Variants in ENTREP2 observed in about 807,000 individuals in gnomAD.
ENTREP2 encodes the protein endosomal transmembrane epsin interactor 2.
At chr15:29,389,394 G>A in the ENTREP2 span, among the ~76,000 whole-genome samples, 1 of 151,970 alleles carries the variant, frequency 6.6e-6, no homozygotes, top group African/African-American at 2.4e-5. Context: ...TCTCCAGGAG[G>A]GGCAGCACAG....
chr15:29,269,932 T>A, the ENTREP2 span: 1 of 482,466 alleles, frequency 2.1e-6, no homozygotes, highest in African/African-American at 2.1e-5. Flanking sequence ...GCCCTGCAGG[T>A]CCGGGCGATG....
chr15:29,470,232 C>T, the ENTREP2 span, among the ~76,000 whole-genome samples: 5 of 152,158 alleles, frequency 3.3e-5, no homozygotes, highest in Non-Finnish European at 4.4e-5. Context: ...CTGCTCGGTG[C>T]CCCCCACTGC....
chr15:29,456,218 G>A, the ENTREP2 span, among the ~76,000 whole-genome samples: 6 of 151,522 alleles, frequency 4.0e-5, no homozygotes, highest in African/African-American at 1.5e-4. Flanking sequence ...CATTTCTATT[G>A]GTATAGTATT....
the ENTREP2 span, among the ~76,000 whole-genome samples, chr15:29,212,823 T>G: frequency 1.1e-4 from 17 of 152,392 alleles, no homozygotes; most frequent in Middle Eastern, 3.4e-3. Flanking sequence ...TTTTGGCTTC[T>G]GTTGCCATTA....
the ENTREP2 span, among the ~76,000 whole-genome samples, chr15:29,170,020 T>C: frequency 4.6e-5 from 7 of 151,996 alleles, no homozygotes; most frequent in African/African-American, 1.7e-4. Flanking sequence ...ATAAAATCAA[T>C]ATGCAGGCCG....
the ENTREP2 span, among the ~76,000 whole-genome samples, chr15:29,337,332 A>T: frequency 6.6e-6 from 1 of 152,134 alleles, no homozygotes; most frequent in Admixed American, 6.5e-5. Context: ...GGCATGGAGA[A>T]CAGTGTGGGT....
chr15:29,617,696 CA>C, the ENTREP2 span, among the ~76,000 whole-genome samples: 1 of 152,184 alleles, frequency 6.6e-6, no homozygotes, highest in African/African-American at 2.4e-5. Flanking sequence ...TACTTGTCAC[CA>C]AAAGCAGAAT....
At chr15:29,435,890 C>G in the ENTREP2 span, among the ~76,000 whole-genome samples, 2 of 152,088 alleles carry the variant, frequency 1.3e-5, no homozygotes, top group Non-Finnish European at 2.9e-5. Flanking sequence ...TCCCTCAGGC[C>G]TGGTTGCTCA....
At chr15:29,460,979 C>T in the ENTREP2 span, among the ~76,000 whole-genome samples, 190 of 152,266 alleles carry the variant, frequency 1.2e-3, 1 homozygote, top group South Asian at 0.015. Context: ...AAAAGCTTGT[C>T]AAGTTACAAT....
the ENTREP2 span, among the ~76,000 whole-genome samples, chr15:29,639,191 T>C: frequency 4.2e-3 from 633 of 152,344 alleles, 5 homozygotes; most frequent in African/African-American, 0.015. Context: ...TTTCTGCCTA[T>C]TCCATTTATA....
the ENTREP2 span, among the ~76,000 whole-genome samples, chr15:29,357,875 G>A: frequency 6.6e-6 from 1 of 151,862 alleles, no homozygotes. Context: ...AAAAAAACTG[G>A]TTGATCTCAT....
chr15:29,402,378 T>C, the ENTREP2 span, among the ~76,000 whole-genome samples: 2 of 151,688 alleles, frequency 1.3e-5, no homozygotes, highest in Non-Finnish European at 2.9e-5. Context: ...TGCAGTGGCA[T>C]GATCACAGCT....
chr15:29,476,556 C>T, the ENTREP2 span, among the ~76,000 whole-genome samples: 8 of 152,356 alleles, frequency 5.3e-5, no homozygotes, highest in South Asian at 1.7e-3. Context: ...GTTTTACCAC[C>T]ACCAGGCAGG....
the ENTREP2 span, among the ~76,000 whole-genome samples, chr15:29,504,920 C>G: frequency 6.6e-6 from 1 of 152,232 alleles, no homozygotes; most frequent in Non-Finnish European, 1.5e-5. Context: ...TTTGCAGAAG[C>G]AGGTCTGTTC....
the ENTREP2 span, among the ~76,000 whole-genome samples, chr15:29,416,306 C>T: frequency 2.3e-4 from 35 of 152,076 alleles, no homozygotes; most frequent in Non-Finnish European, 4.6e-4. Context: ...GAGATATAGA[C>T]CAATGGAATA....
chr15:29,530,875 G>A, the ENTREP2 span, among the ~76,000 whole-genome samples: 1 of 152,212 alleles, frequency 6.6e-6, no homozygotes, highest in East Asian at 1.9e-4. Context: ...CACAGGCCCA[G>A]AGCAGACTCT....
the ENTREP2 span, among the ~76,000 whole-genome samples, chr15:29,155,078 C>G: frequency 4.2e-4 from 64 of 151,398 alleles, no homozygotes; most frequent in Middle Eastern, 3.4e-3. Context: ...GTCAGGAGAT[C>G]GAGACCATCC....
chr15:29,558,987 C>A, the ENTREP2 span, among the ~76,000 whole-genome samples: 1 of 151,906 alleles, frequency 6.6e-6, no homozygotes, highest in Non-Finnish European at 1.5e-5. Context: ...TTAGTAGTTA[C>A]GTTTTGGAGG....
chr15:29,272,471 T>A, the ENTREP2 span, among the ~76,000 whole-genome samples: 1 of 141,806 alleles, frequency 7.1e-6, no homozygotes, highest in Admixed American at 6.8e-5. Flanking sequence ...CTTATTACAC[T>A]ATATTTGTTC....
Sources: allele counts gnomAD v4.1 joint callset (sites outside exome capture counted in the v4.1 genomes callset), GRCh38; gene constraint gnomAD v4.1.1; transcripts MANE v1.5; gene names NCBI Gene and HGNC (gene_info 2026-07-23, HGNC 2026-07-21).